The following RELN variants were observed in gnomAD, a reference collection of about 807,000 sequenced individuals.
RELN encodes reelin.
In RELN, 108 loss-of-function variants were observed where a neutral mutation model predicts 427.6. The observed-to-expected ratio is 0.25, with a 90% confidence interval of 0.22 to 0.30. RELN has a LOEUF of 0.30. RELN is among the 10% of genes least tolerant of loss of function. The pLI, the probability that RELN is intolerant of heterozygous loss-of-function variation, is 1.00. For missense variants in RELN, 3,715 were observed against 4,302.8 expected (o/e 0.86, Z 3.82); for synonymous variants, 1,524 against 1,513.4 (o/e 1.01, Z -0.16).
intron 2 of RELN, among the ~76,000 whole-genome samples, chr7:103,867,148 T>C (rs1388608736): frequency 6.6e-6 from 1 of 152,144 alleles, no homozygotes; most frequent in African/African-American, 2.4e-5. Flanking sequence ...CGACAGTTAA[T>C]ATTTACCTGA....
chr7:103,540,262 T>C lies in RELN; in HGVS notation c.6865A>G (p.Thr2289Ala). 2.5e-6 allele frequency: 4 copies of C among 1,613,998 alleles called. No homozygotes were observed. Among genetic ancestry groups the C allele is most frequent in the Non-Finnish European group, 3.4e-6 (4 of 1,180,000 alleles). Residue 2289 changes from threonine (T) to alanine (A), a missense_variant, in exon 44 of 65, where the codon ACT (threonine) becomes GCT (alanine). Thr to Ala is a moderately conservative substitution (Grantham distance 58). Transcript: ENST00000428762. ...EIPLKARSGS[T>A]RLRWWQPSEN... ...GACGGTTGCCACCAGCGAAGGCGAG[T>C]AGAACCAGAACGGGCTTTCAAGGGT...
chr7:103,593,366 G>A (rs111378138), intron 27 of RELN, among the ~76,000 whole-genome samples: 136 of 152,258 alleles, frequency 8.9e-4, no homozygotes, highest in African/African-American at 3.2e-3. Context: ...ATTCATCATC[G>A]TTTAGAAGCT....
At chr7:103,929,711 C>G (rs951192674) in intron 1 of RELN, among the ~76,000 whole-genome samples, 5 of 152,106 alleles carry the variant, frequency 3.3e-5, no homozygotes, top group Admixed American at 2.6e-4. Context: ...CACCTGGGGG[C>G]CATTTTAAAC....
chr7:103,722,315 T>A (rs567393753), intron 8 of RELN, among the ~76,000 whole-genome samples: 1 of 152,282 alleles, frequency 6.6e-6, no homozygotes, highest in Non-Finnish European at 1.5e-5. Flanking sequence ...ACAGTCCTTT[T>A]GCTAACGGCA....
At chr7:103,893,444 T>C (rs1311856245) in intron 2 of RELN, among the ~76,000 whole-genome samples, 1 of 152,200 alleles carries the variant, frequency 6.6e-6, no homozygotes, top group East Asian at 1.9e-4. Flanking sequence ...GAGAGCTCAT[T>C]AAGTCTTAAA....
intron 2 of RELN, 115 bp from the exon 3 acceptor site, chr7:103,833,787 G>C (rs537981028): frequency 6.0e-4 from 590 of 991,012 alleles, no homozygotes; most frequent in Admixed American, 9.2e-4. Context: ...ATGCTATTTG[G>C]CTTCCCAATA....
At position 103,482,858 on chromosome 7, in the gene RELN, G is replaced by A. The variant is rs915697765; in HGVS notation, c.10280+15C>T. On this transcript the variant is annotated intron_variant, in intron 63 of 64. Transcript: ENST00000428762. ...TCCTGAAATGGACATGGGATGCCAT[G>A]TAATAGATACTCACAGGACGACCTC... 11 of 1,614,014 alleles carry A rather than the reference G, an allele frequency of 6.8e-6. No homozygotes were observed. Among genetic ancestry groups the A allele is most frequent in the Non-Finnish European group, 9.3e-6 (11 of 1,179,898 alleles).
chr7:103,784,042 GT>G (rs1267613923), intron 3 of RELN, among the ~76,000 whole-genome samples: 1 of 152,128 alleles, frequency 6.6e-6, no homozygotes, highest in African/African-American at 2.4e-5. Context: ...CACCAATGAA[GT>G]GAATCTGGGG....
intron 2 of RELN, among the ~76,000 whole-genome samples, chr7:103,908,358 A>T (rs541469656): frequency 6.6e-6 from 1 of 152,314 alleles, no homozygotes; most frequent in South Asian, 2.1e-4. Context: ...TATACTAGGT[A>T]TTTGAACTGA....
intron 11 of RELN, among the ~76,000 whole-genome samples, chr7:103,663,714 C>CT (rs1286289164): frequency 1.3e-5 from 2 of 152,198 alleles, no homozygotes; most frequent in African/African-American, 4.8e-5. Flanking sequence ...TCAGCCTCCT[C>CT]TTCCCCTTAG....
chr7:103,572,626 C>T (rs1216311369), intron 30 of RELN, among the ~76,000 whole-genome samples: 7 of 150,408 alleles, frequency 4.7e-5, no homozygotes, highest in African/African-American at 1.7e-4. Flanking sequence ...AAGCTCCGCC[C>T]CCCAGGTTCA....
chr7:103,681,303 T>TCATA (rs1833647993), intron 11 of RELN, among the ~76,000 whole-genome samples: 1 of 152,192 alleles, frequency 6.6e-6, no homozygotes. Flanking sequence ...GAGATCACAG[T>TCATA]GACACGACTA....
intron 1 of RELN, among the ~76,000 whole-genome samples, chr7:103,958,391 C>T (rs979639701): frequency 1.3e-5 from 2 of 152,296 alleles, no homozygotes; most frequent in East Asian, 3.9e-4. Flanking sequence ...TGACAGATTT[C>T]CTTCAAGTCT....
chr7:103,688,475 T>C (rs932675112), intron 10 of RELN, among the ~76,000 whole-genome samples: 2 of 152,074 alleles, frequency 1.3e-5, no homozygotes, highest in African/African-American at 4.8e-5. Flanking sequence ...GGTATGATAG[T>C]ATTGCTGTGT....
Position 103,824,695 on chromosome 7 carries a change from G to A in RELN, c.473+8842C>T, listed in dbSNP as rs982049268. On this transcript the variant is annotated intron_variant, in intron 3 of 64. Coordinates refer to ENST00000428762, the MANE Select transcript of RELN (RefSeq NM_005045.4). The surrounding 1 kb of genome is among the most constrained non-coding windows in gnomAD (Gnocchi z 4.4). ...GTGTGTTTGCTTCATTTTAGCTAGA[G>A]TTGCTATTTTATTTCAGTGGGAAGA... Among the ~76,000 whole-genome samples the A allele has an allele frequency of 2.2e-5, 3 of 135,818 alleles. No homozygotes were observed. The highest frequency in any genetic ancestry group is 8.2e-5 in the African/African-American group (3 of 36,778). The allele number at this position is 135,818 out of a possible 152,430, so 89.1% of individuals were successfully genotyped here.
chr7:103,840,555 T>C (rs903122261), intron 2 of RELN, among the ~76,000 whole-genome samples: 1 of 152,016 alleles, frequency 6.6e-6, no homozygotes, highest in Admixed American at 6.6e-5. Flanking sequence ...ACAAGAAAAA[T>C]GGGAGAACAT....
intron 11 of RELN, 86 bp from the exon 12 acceptor site, chr7:103,661,613 C>CA: frequency 8.6e-7 from 1 of 1,165,446 alleles, no homozygotes; most frequent in South Asian, 1.3e-5. Context: ...TAGTGAGGGA[C>CA]ACTTACTTAC....
intron 2 of RELN, among the ~76,000 whole-genome samples, chr7:103,912,436 G>C (rs909457156): frequency 6.6e-6 from 1 of 151,982 alleles, no homozygotes; most frequent in Admixed American, 6.6e-5. Context: ...TGCCCCACTT[G>C]GCCTCCCAAA....
intron 10 of RELN, among the ~76,000 whole-genome samples, chr7:103,687,323 C>G (rs888526989): frequency 1.3e-5 from 2 of 152,086 alleles, no homozygotes; most frequent in Admixed American, 1.3e-4. Flanking sequence ...GGCAAAGATG[C>G]CAGGCACAGT....
Sources: gnomAD v4.1 joint callset for allele counts (sites outside exome capture counted in the v4.1 genomes callset) on GRCh38, gnomAD v4.1.1 for gene constraint, Gnocchi (gnomAD v3.1) non-coding constraint, MANE v1.5 for transcripts, NCBI Gene and HGNC (gene_info 2026-07-23, HGNC 2026-07-21) for gene names.